Variants in DNAH11 observed in about 807,000 individuals in gnomAD.
The protein encoded by DNAH11 is axonemal beta dynein heavy chain 11.
DNAH11 carries 442 observed loss-of-function variants against 526.0 expected under a neutral mutation model. The observed-to-expected ratio is 0.84, with a 90% confidence interval of 0.78 to 0.91. The LOEUF (loss-of-function observed/expected upper bound fraction) is 0.91. DNAH11 is among the 40% of genes least tolerant of loss of function. The pLI, the probability that DNAH11 is intolerant of heterozygous loss-of-function variation, is 0.00. For synonymous variants in DNAH11, 2,461 were observed against 1,935.9 expected, an observed-to-expected ratio of 1.27 and a Z score of -7.12; for missense variants, 6,989 against 5,448.7, an observed-to-expected ratio of 1.28 and a Z score of -8.90.
chr7:21,855,183 C>T (rs1238552040), intron 68 of DNAH11, among the ~76,000 whole-genome samples: 1 of 152,048 alleles, frequency 6.6e-6, no homozygotes, highest in Non-Finnish European at 1.5e-5. Flanking sequence ...AGGTGTCCGC[C>T]ACCACACCTG....
chr7:21,862,631 T>C (rs1452286837), intron 69 of DNAH11, among the ~76,000 whole-genome samples: 1 of 152,144 alleles, frequency 6.6e-6, no homozygotes, highest in Non-Finnish European at 1.5e-5. Flanking sequence ...GCCACTTAAA[T>C]ATATATAATT....
intron 43 of DNAH11, among the ~76,000 whole-genome samples, chr7:21,719,403 C>T: frequency 6.6e-6 from 1 of 152,156 alleles, no homozygotes; most frequent in East Asian, 1.9e-4. Context: ...TGACACAGAA[C>T]TCAAAATATA....
intron 62 of DNAH11, among the ~76,000 whole-genome samples, chr7:21,802,193 T>C (rs1789024400): frequency 1.3e-5 from 2 of 152,196 alleles, no homozygotes. Context: ...TAGACATTTC[T>C]CCATAAAAGA....
chr7:21,683,246 A>T (rs757132764), intron 31 of DNAH11, among the ~76,000 whole-genome samples: 1 of 152,192 alleles, frequency 6.6e-6, no homozygotes, highest in Non-Finnish European at 1.5e-5. Context: ...AGAGACAGGG[A>T]TTTTTAACTG....
chr7:21,669,078 T>C (rs1782533000), intron 30 of DNAH11, among the ~76,000 whole-genome samples: 1 of 152,222 alleles, frequency 6.6e-6, no homozygotes, highest in African/African-American at 2.4e-5. Flanking sequence ...TCTAAAGATG[T>C]TGAGCAACTT....
rs185794337 is a variant in DNAH11 at position 21,862,249 on chromosome 7, G to T, written c.11373+226G>T. 7.6e-4 allele frequency among the ~76,000 whole-genome samples: 115 copies of T among 151,862 alleles called. 2 individuals carry two copies. The East Asian group carries it at 0.021, about 28-fold the overall frequency. On this transcript the variant is annotated intron_variant, in intron 69 of 81. Transcript: ENST00000409508. ...TTGGGGAGTGGGGCCGGTGGGGTGG[G>T]TATACACATTATGCTCCTACCACAG...
At chr7:21,580,636 T>A (rs1784273232) in intron 8 of DNAH11, among the ~76,000 whole-genome samples, 1 of 152,216 alleles carries the variant, frequency 6.6e-6, no homozygotes, top group South Asian at 2.1e-4. Context: ...AGTTCACAGA[T>A]GGCACTTTCT....
In DNAH11 at chr7:21,894,604, T is replaced by C; in HGVS notation, c.12751-19T>C. On this transcript the variant is annotated intron_variant, in intron 77 of 81. Transcript: ENST00000409508. The stretch of plus-strand genomic sequence containing the variant: ...AACTGAAATAGAAAGGAGCTAAATC[T>C]TTGTGTTACTGATTTAAGGTTAAGA... 1 of 1,609,838 alleles carries C rather than the reference T, an allele frequency of 6.2e-7. No individual in the cohort carries two copies. The highest frequency in any genetic ancestry group is 2.2e-5 in the East Asian group (1 of 44,852).
intron 25 of DNAH11, among the ~76,000 whole-genome samples, chr7:21,632,099 T>C (rs528754307): frequency 1.3e-5 from 2 of 152,204 alleles, no homozygotes; most frequent in African/African-American, 2.4e-5. Flanking sequence ...TGCTTGAGGT[T>C]TGCATCCTCT....
chr7:21,585,349 C>T (rs1784446464), intron 9 of DNAH11, among the ~76,000 whole-genome samples: 2 of 152,044 alleles, frequency 1.3e-5, no homozygotes, highest in African/African-American at 4.8e-5. Context: ...GAAAAAATTA[C>T]AAGGCTGTGT....
chr7:21,840,208 AAGG>A, intron 65 of DNAH11, among the ~76,000 whole-genome samples: 1 of 152,340 alleles, frequency 6.6e-6, no homozygotes, highest in South Asian at 2.1e-4. Flanking sequence ...TTTCGATAAA[AAGG>A]AGCCCTGTCT....
At chr7:21,893,726 TC>T (rs1270057973) in intron 77 of DNAH11, among the ~76,000 whole-genome samples, 1 of 152,206 alleles carries the variant, frequency 6.6e-6, no homozygotes, top group Admixed American at 6.5e-5. Context: ...TGTCTTTCAT[TC>T]TTTCAGAGCA....
intron 18 of DNAH11, among the ~76,000 whole-genome samples, chr7:21,605,467 G>A (rs747003847): frequency 1.3e-5 from 2 of 152,210 alleles, no homozygotes; most frequent in Non-Finnish European, 2.9e-5. Context: ...GGCAGGGAGA[G>A]CAGAGTTGAG....
At chr7:21,753,274 G>C (rs1348487912) in intron 54 of DNAH11, among the ~76,000 whole-genome samples, 1 of 152,136 alleles carries the variant, frequency 6.6e-6, no homozygotes, top group Non-Finnish European at 1.5e-5. Context: ...GGAAACCTAA[G>C]CTCCTCCCCC....
Position 21,586,072 on chromosome 7 carries a change from C to G in DNAH11, c.1711-1992C>G, listed in dbSNP as rs1784470147. Among the ~76,000 whole-genome samples the G allele has an allele frequency of 2.0e-5, 3 of 152,130 alleles. No individual in the cohort carries two copies. In the South Asian group the frequency reaches 6.2e-4, roughly 32 times the overall value. On this transcript the variant is annotated intron_variant, in intron 9 of 81. Transcript: ENST00000409508. Reference sequence around the variant, plus strand: ...AAACAATTACAATAATGTATACTGCCTAAAACATTGAGACTTTTCCTACTA... The same window carrying G: ...AAACAATTACAATAATGTATACTGCGTAAAACATTGAGACTTTTCCTACTA...
intron 79 of DNAH11, among the ~76,000 whole-genome samples, chr7:21,897,733 C>CA (rs1784573403): frequency 6.6e-6 from 1 of 152,214 alleles, no homozygotes; most frequent in Admixed American, 6.5e-5. Context: ...CTCCTGCCTT[C>CA]AGCCTCCCTA....
intron 61 of DNAH11, among the ~76,000 whole-genome samples, chr7:21,796,592 A>T (rs188103465): frequency 1.8e-4 from 27 of 152,352 alleles, no homozygotes; most frequent in Non-Finnish European, 2.5e-4. Flanking sequence ...AGAGATTGTT[A>T]TCATGGCGGC....
In DNAH11 at chr7:21,778,504, G is replaced by T. The variant is rs945259641; in HGVS notation, c.9337-454G>T. Among the ~76,000 whole-genome samples the T allele has an allele frequency of 3.9e-4, 59 of 152,086 alleles. 1 individual carries two copies. Among genetic ancestry groups the T allele is most frequent in the South Asian group, 1.2e-3 (6 of 4,816 alleles). ...ATGCAGCCAATTAATCTGCAGTCAGGCAAGGAGCATTCATGTCGTCAACTT... is the reference window on the plus strand; with the variant it reads ...ATGCAGCCAATTAATCTGCAGTCAGTCAAGGAGCATTCATGTCGTCAACTT... On this transcript the variant is annotated intron_variant, in intron 56 of 81. Transcript: ENST00000409508.
intron 30 of DNAH11, among the ~76,000 whole-genome samples, chr7:21,659,827 A>G (rs1161097711): frequency 6.6e-6 from 1 of 152,128 alleles, no homozygotes; most frequent in African/African-American, 2.4e-5. Flanking sequence ...CTTGAGAATC[A>G]AATAGATTTA....
Sources: gnomAD v4.1 joint callset for allele counts (sites outside exome capture counted in the v4.1 genomes callset) on GRCh38, gnomAD v4.1.1 for gene constraint, MANE v1.5 for transcripts, NCBI Gene and HGNC (gene_info 2026-07-23, HGNC 2026-07-21) for gene names.